Variants in MAPKAPK5 observed in about 807,000 individuals in gnomAD.
MAPKAPK5 encodes the protein MAP kinase-activated protein kinase 5.
A neutral mutation model predicts 65.1 loss-of-function variants in MAPKAPK5; 30 were observed. That is an observed-to-expected ratio of 0.46 (90% CI 0.34 to 0.63). MAPKAPK5 has a LOEUF of 0.63. MAPKAPK5 is among the 20% of genes least tolerant of loss of function. The pLI, the probability that MAPKAPK5 is intolerant of heterozygous loss-of-function variation, is 0.01. For missense variants in MAPKAPK5, 433 were observed against 581.4 expected (o/e 0.74, Z 2.63); for synonymous variants, 179 against 204.6 (o/e 0.87, Z 1.07).
intron 7 of MAPKAPK5, among the ~76,000 whole-genome samples, chr12:111,878,400 A>G: frequency 6.7e-6 from 1 of 149,974 alleles, no homozygotes; most frequent in East Asian, 2.2e-4. Flanking sequence ...TTGTTGTTCT[A>G]TTTATTTATT....
chr12:111,889,044 G>A (rs1025491149), intron 12 of MAPKAPK5, 44 bp downstream of exon 12: 5 of 1,545,738 alleles, frequency 3.2e-6, no homozygotes, highest in Middle Eastern at 1.7e-4. Flanking sequence ...GTCTGTGAGT[G>A]TGTGTGTGCA....
At chr12:111,850,933 C>CTG (rs1394923446) in intron 1 of MAPKAPK5, among the ~76,000 whole-genome samples, 1 of 148,714 alleles carries the variant, frequency 6.7e-6, no homozygotes, top group East Asian at 2.0e-4. Context: ...GAGTCTCGCT[C>CTG]TGTGGCCCAG....
At chr12:111,890,196 T>C (rs1954839177) in intron 13 of MAPKAPK5, 52 bp downstream of exon 13, 2 of 1,318,044 alleles carry the variant, frequency 1.5e-6, no homozygotes, top group South Asian at 1.3e-5. Flanking sequence ...AGTGATTATG[T>C]TTAGAACATA....
intron 7 of MAPKAPK5, among the ~76,000 whole-genome samples, chr12:111,873,999 T>TTTTATGC (rs1443324283): frequency 1.1e-4 from 17 of 152,204 alleles, no homozygotes; most frequent in Admixed American, 1.1e-3. Flanking sequence ...GGTCTTTAAT[T>TTTTATGC]TTCCTAAAAA....
rs991895117 is a variant in MAPKAPK5, at chr12:111,897,700, T to C, written c.*4639T>C. On this transcript the variant is annotated 3_prime_UTR_variant, in exon 14 of 14. Coordinates refer to ENST00000550735, the MANE Select transcript of MAPKAPK5 (RefSeq NM_003668.4). ...TAGTGGGTTTGTGACAGTATAAATT[T>C]TCTTGCTAGATGCTAATGATACATT... 15 of 152,220 alleles carry C rather than the reference T, an allele frequency of 9.9e-5. No individual in the cohort carries two copies. The highest frequency in any genetic ancestry group is 3.4e-4 in the African/African-American group (14 of 41,456). The allele number at this position is 152,220 out of a possible 1,614,324, so 9.4% of individuals were successfully genotyped here.
At chr12:111,848,463 G>C (rs1483884144) in intron 1 of MAPKAPK5, among the ~76,000 whole-genome samples, 2 of 149,926 alleles carry the variant, frequency 1.3e-5, no homozygotes, top group Non-Finnish European at 1.5e-5. Context: ...GCCCAGGCTG[G>C]AGCACAGTGG....
chr12:111,870,252 T>G lies in MAPKAPK5; in HGVS notation c.394-19T>G. ...TGGTCTTTTCTAAGAAGCGACTGTT[T>G]CATTGTGTCTTTTTTCAGATAGCTT... On this transcript the variant is annotated intron_variant, in intron 5 of 13. Transcript: ENST00000550735. 1 of 1,571,644 alleles carries G rather than the reference T, an allele frequency of 6.4e-7. No individual in the cohort carries two copies. Among genetic ancestry groups the G allele is most frequent in the Non-Finnish European group, 8.7e-7 (1 of 1,145,980 alleles).
intron 12 of MAPKAPK5, 168 bp downstream of exon 12, chr12:111,889,168 A>T (rs191601611): frequency 3.1e-6 from 2 of 636,656 alleles, no homozygotes; most frequent in East Asian, 6.0e-5. Context: ...TATGCCCACT[A>T]AAAAGATTGG....
intron 5 of MAPKAPK5, 58 bp from the exon 6 acceptor site, chr12:111,870,213 G>C: frequency 8.3e-7 from 1 of 1,198,458 alleles, no homozygotes; most frequent in Non-Finnish European, 1.2e-6. Flanking sequence ...CTCTACGCCA[G>C]GTGTATTAAA....
At chr12:111,853,414 G>A (rs2069145622) in intron 1 of MAPKAPK5, among the ~76,000 whole-genome samples, 3 of 151,894 alleles carry the variant, frequency 2.0e-5, no homozygotes, top group Admixed American at 2.0e-4. Flanking sequence ...TTCATTTTTG[G>A]ATTGTTTGTC....
intron 1 of MAPKAPK5, among the ~76,000 whole-genome samples, chr12:111,860,632 G>GTCACCCA (rs2069407361): frequency 6.6e-6 from 1 of 152,142 alleles, no homozygotes; most frequent in Admixed American, 6.5e-5. Flanking sequence ...AGCTGACTAT[G>GTCACCCA]CTGTAAGCAG....
rs768947450 is a variant in MAPKAPK5, at chr12:111,900,968, CTG to C, written c.*7910_*7911del. On this transcript the variant is annotated 3_prime_UTR_variant, in exon 14 of 14. Coordinates refer to ENST00000550735, the MANE Select transcript of MAPKAPK5 (RefSeq NM_003668.4). ...ACAGCAAAGGGGACCAATTTGGAAACTGTGGCATTTCTACCAGTCCTGGGTCA... is the reference window on the plus strand; with the variant it reads ...ACAGCAAAGGGGACCAATTTGGAAACTGGCATTTCTACCAGTCCTGGGTCA... 2.1e-4 allele frequency: 94 copies of C among 456,094 alleles called. No individual in the cohort carries two copies. The highest frequency in any genetic ancestry group is 3.8e-4 in the Admixed American group (16 of 42,586). The allele number at this position is 456,094 out of a possible 1,614,324, so 28.3% of individuals were successfully genotyped here.
At chr12:111,857,582 C>A (rs1409671586) in intron 1 of MAPKAPK5, among the ~76,000 whole-genome samples, 1 of 152,174 alleles carries the variant, frequency 6.6e-6, no homozygotes, top group Non-Finnish European at 1.5e-5. Flanking sequence ...AGTAGCATTG[C>A]CATTCTCTCC....
At chr12:111,862,747 T>C (rs750039176) in intron 1 of MAPKAPK5, among the ~76,000 whole-genome samples, 6 of 152,252 alleles carry the variant, frequency 3.9e-5, no homozygotes, top group Middle Eastern at 3.4e-3. Flanking sequence ...TATTTTTACA[T>C]CCGAGGGGTT....
chr12:111,892,954 T>G lies in MAPKAPK5; in HGVS notation c.1322-13T>G, dbSNP rs1447960548. On this transcript the variant is annotated splice_polypyrimidine_tract_variant and intron_variant, in intron 13 of 13. Coordinates refer to ENST00000550735, the MANE Select transcript of MAPKAPK5 (RefSeq NM_003668.4). Reference sequence around the variant, plus strand: ...GAATTTGAGGACTGACCTTGTTCTTTTTTTGCTTTCAGGTCGTGGATTCAC... The same window carrying G: ...GAATTTGAGGACTGACCTTGTTCTTGTTTTGCTTTCAGGTCGTGGATTCAC... 3 of 1,553,068 alleles carry G rather than the reference T, an allele frequency of 1.9e-6. No individual in the cohort carries two copies. The highest frequency in any genetic ancestry group is 2.6e-6 in the Non-Finnish European group (3 of 1,146,870).
chr12:111,868,866 G>A lies in MAPKAPK5; in HGVS notation c.393+5G>A. 1 of 1,553,554 alleles carries A rather than the reference G, an allele frequency of 6.4e-7. No homozygotes were observed. The highest frequency in any genetic ancestry group is 8.7e-7 in the Non-Finnish European group (1 of 1,148,312). On this transcript the variant is annotated splice_donor_5th_base_variant and intron_variant, in intron 5 of 13. Transcript: ENST00000550735. ...GCCAGCCAAGTAACAAAGCAGGCAA[G>A]TTAACCCCAGGTACCAATCAAACTG... is the stretch of plus-strand genomic sequence containing the variant.
At chr12:111,856,532 G>C (rs2069247898) in intron 1 of MAPKAPK5, among the ~76,000 whole-genome samples, 2 of 151,324 alleles carry the variant, frequency 1.3e-5, no homozygotes, top group Admixed American at 1.3e-4. Context: ...CCAGCGTCCT[G>C]AGTAGCTGGA....
At position 111,885,961 on chromosome 12, in the gene MAPKAPK5, G is replaced by C. The variant is rs891122706; in HGVS notation, c.894G>C (p.Val298=). Residue 298 remains valine (V), a synonymous_variant, in exon 10 of 14, where the codon GTG becomes GTC. Coordinates refer to ENST00000550735, the MANE Select transcript of MAPKAPK5 (RefSeq NM_003668.4). ...KPEERLTIEG[V]LDHPWLNSTE... is the part of the protein sequence containing the mutation. Reference sequence around the variant, plus strand: ...AGGAGAGACTCACCATCGAGGGAGTGCTGGACCACCCCTGGCTCAATTCCA... The same window carrying C: ...AGGAGAGACTCACCATCGAGGGAGTCCTGGACCACCCCTGGCTCAATTCCA... The C allele has an allele frequency of 1.2e-6, 2 of 1,614,008 alleles. No homozygotes were observed. The highest frequency in any genetic ancestry group is 1.3e-5 in the African/African-American group (1 of 75,050).
chr12:111,865,221 C>A, intron 1 of MAPKAPK5, 29 bp from the exon 2 acceptor site: 1 of 1,410,896 alleles, frequency 7.1e-7, no homozygotes, highest in South Asian at 1.2e-5. Flanking sequence ...GAATCATTCT[C>A]TGTCCTCTCC....
Sources: allele counts gnomAD v4.1 joint callset (sites outside exome capture counted in the v4.1 genomes callset), GRCh38; gene constraint gnomAD v4.1.1; transcripts MANE v1.5; gene names NCBI Gene and HGNC (gene_info 2026-07-23, HGNC 2026-07-21).